Variants in AKAP6 observed in about 807,000 individuals in gnomAD.
AKAP6 encodes the protein A-kinase anchoring protein 6, also known as A-kinase anchor protein 6.
Under a neutral mutation model 188.5 loss-of-function variants are expected in AKAP6, and 58 were observed. The ratio of observed to expected loss-of-function variants is 0.31; its 90% CI spans 0.25 to 0.38. The LOEUF (loss-of-function observed/expected upper bound fraction) is 0.38. AKAP6 is among the 10% of genes least tolerant of loss of function. AKAP6 has a pLI of 1.00. For synonymous variants in AKAP6, 989 were observed against 998.6 expected, an observed-to-expected ratio of 0.99 and a Z score of 0.18; for missense variants, 2,710 against 2,740.0, an observed-to-expected ratio of 0.99 and a Z score of 0.24.
chr14:32,828,521 TCTCTCTCTCACACACACA>T (rs1337240841), intron 13 of AKAP6, among the ~76,000 whole-genome samples: 12 of 32,700 alleles, frequency 3.7e-4, no homozygotes, highest in African/African-American at 8.0e-4. Context: ...TCTCTCTCTC[TCTCTCTCTCACACACACA>T]CACACACACA....
chr14:32,467,412 C>T (rs1878525867), intron 2 of AKAP6, among the ~76,000 whole-genome samples: 1 of 151,986 alleles, frequency 6.6e-6, no homozygotes, highest in Admixed American at 6.6e-5. Context: ...TCATTATCCT[C>T]TTCTTTCTGT....
intron 2 of AKAP6, among the ~76,000 whole-genome samples, chr14:32,502,195 T>C (rs1345808325): frequency 2.6e-5 from 4 of 152,154 alleles, no homozygotes; most frequent in African/African-American, 9.6e-5. Context: ...ACAGAAGTGC[T>C]CTTAATGGTG....
In AKAP6 at chr14:32,661,463, C is replaced by T. The variant is rs144249897; in HGVS notation, c.2731-16848C>T. On this transcript the variant is annotated intron_variant, in intron 7 of 13. Coordinates refer to ENST00000280979, the MANE Select transcript of AKAP6 (RefSeq NM_004274.5). ...AAGGAATGCACGATTGTGCACACTG[C>T]CAAAGGTGCAGAATCAGTGTCATTC... Among the ~76,000 whole-genome samples, 551 of 152,128 alleles carry T rather than the reference C, an allele frequency of 3.6e-3. 1 individual carries two copies. The highest frequency in any genetic ancestry group is 0.012 in the African/African-American group (491 of 41,548).
intron 12 of AKAP6, among the ~76,000 whole-genome samples, chr14:32,807,982 G>A (rs139013800): frequency 1.3e-5 from 2 of 152,200 alleles, no homozygotes; most frequent in African/African-American, 2.4e-5. Context: ...CAAAATAACC[G>A]CATTTCAAGA....
At chr14:32,574,873 G>T (rs1000842627) in intron 4 of AKAP6, among the ~76,000 whole-genome samples, 27 of 152,118 alleles carry the variant, frequency 1.8e-4, no homozygotes, top group African/African-American at 6.5e-4. Flanking sequence ...TCAGCAAAGG[G>T]TCTCTTAAGT....
intron 1 of AKAP6, among the ~76,000 whole-genome samples, chr14:32,411,415 A>G (rs1889478645): frequency 1.3e-5 from 2 of 152,188 alleles, no homozygotes; most frequent in Non-Finnish European, 2.9e-5. Flanking sequence ...TTTAATAAGC[A>G]TATGTTGACC....
intron 7 of AKAP6, among the ~76,000 whole-genome samples, chr14:32,642,163 G>A (rs1887786388): frequency 6.6e-6 from 1 of 152,092 alleles, no homozygotes; most frequent in Admixed American, 6.6e-5. Context: ...GTGCTATCTT[G>A]TTATTGTTGT....
At chr14:32,526,490 C>T (rs1025425288) in intron 2 of AKAP6, among the ~76,000 whole-genome samples, 4 of 152,172 alleles carry the variant, frequency 2.6e-5, no homozygotes, top group Admixed American at 6.5e-5. Flanking sequence ...ACCTTAGCCC[C>T]CACAAAGTGC....
At chr14:32,338,845 T>A (rs1303389079) in intron 1 of AKAP6, among the ~76,000 whole-genome samples, 3 of 152,180 alleles carry the variant, frequency 2.0e-5, no homozygotes, top group Admixed American at 2.0e-4. Context: ...TGAAAGTTAT[T>A]GTTTCACATA....
intron 7 of AKAP6, among the ~76,000 whole-genome samples, chr14:32,676,764 A>C (rs1478457833): frequency 6.6e-6 from 1 of 152,184 alleles, no homozygotes; most frequent in African/African-American, 2.4e-5. Context: ...GAGCATTCAT[A>C]ATTAAGTACT....
chr14:32,638,300 A>G (rs942438280), intron 7 of AKAP6, among the ~76,000 whole-genome samples: 1 of 152,102 alleles, frequency 6.6e-6, no homozygotes, highest in African/African-American at 2.4e-5. Flanking sequence ...AACTGGTCCC[A>G]AACTTCCATT....
chr14:32,706,126 C>T (rs547170385), intron 9 of AKAP6, among the ~76,000 whole-genome samples: 1 of 152,268 alleles, frequency 6.6e-6, no homozygotes, highest in South Asian at 2.1e-4. Context: ...ATCTGGGTGG[C>T]TCCAATGCTC....
chr14:32,761,246 G>A (rs1197053474), intron 11 of AKAP6, among the ~76,000 whole-genome samples: 3 of 152,028 alleles, frequency 2.0e-5, no homozygotes, highest in African/African-American at 4.8e-5. Flanking sequence ...TTTTAGAGGT[G>A]TTATTTCCCC....
At chr14:32,425,018 T>C (rs571637227) in intron 1 of AKAP6, among the ~76,000 whole-genome samples, 8 of 152,156 alleles carry the variant, frequency 5.3e-5, no homozygotes, top group African/African-American at 1.9e-4. Flanking sequence ...GGTATAGGAT[T>C]GCTGGGTCAA....
intron 12 of AKAP6, among the ~76,000 whole-genome samples, chr14:32,774,878 C>G (rs1339871562): frequency 6.6e-6 from 1 of 152,024 alleles, no homozygotes; most frequent in Non-Finnish European, 1.5e-5. Context: ...CATGAAAAAT[C>G]CTCCTATGAA....
chr14:32,828,529 TCACACACACACACA>T (rs55957852), intron 13 of AKAP6, among the ~76,000 whole-genome samples: 58 of 76,012 alleles, frequency 7.6e-4, no homozygotes, highest in Middle Eastern at 6.7e-3. Flanking sequence ...TCTCTCTCTC[TCACACACACACACA>T]CACACACACA....
intron 1 of AKAP6, among the ~76,000 whole-genome samples, chr14:32,407,687 T>C (rs1044274146): frequency 9.9e-5 from 15 of 152,206 alleles, no homozygotes; most frequent in African/African-American, 3.6e-4. Flanking sequence ...AGGAAACCCA[T>C]GGTTTTAGAC....
At chr14:32,331,679 C>T (rs1886539955) in intron 1 of AKAP6, among the ~76,000 whole-genome samples, 1 of 151,876 alleles carries the variant, frequency 6.6e-6, no homozygotes, top group Non-Finnish European at 1.5e-5. Flanking sequence ...TAATATATCC[C>T]CAAGGGGTAG....
chr14:32,707,887 C>G (rs1278830890), intron 9 of AKAP6, among the ~76,000 whole-genome samples: 1 of 151,860 alleles, frequency 6.6e-6, no homozygotes, highest in African/African-American at 2.4e-5. Flanking sequence ...TCAGGCTTGG[C>G]CAGGTTGATA....
Sources: gnomAD v4.1 joint callset for allele counts (sites outside exome capture counted in the v4.1 genomes callset) on GRCh38, gnomAD v4.1.1 for gene constraint, MANE v1.5 for transcripts, NCBI Gene and HGNC (gene_info 2026-07-23, HGNC 2026-07-21) for gene names.